NXPE2: variants seen among roughly 807,000 people sequenced by gnomAD.
The protein encoded by NXPE2 is neurexophilin and PC-esterase domain family member 2, also known as NXPE family member 2.
In NXPE2, 34 loss-of-function variants were observed where a neutral mutation model predicts 34.4. The ratio of observed to expected loss-of-function variants is 0.99; its 90% CI spans 0.75 to 1.31. NXPE2 has a LOEUF of 1.31. Among genes scored for constraint, NXPE2 ranks in the 40% most tolerant of loss-of-function variants. The pLI is 0.00. For synonymous variants in NXPE2, 235 were observed against 231.3 expected, an observed-to-expected ratio of 1.02 and a Z score of -0.15; for missense variants, 649 against 672.5, an observed-to-expected ratio of 0.97 and a Z score of 0.39.
the NXPE2 span, among the ~76,000 whole-genome samples, chr11:114,519,290 A>G: frequency 6.6e-6 from 1 of 152,194 alleles, no homozygotes; most frequent in Admixed American, 6.5e-5. Context: ...AGTACATTTC[A>G]CTATCATATG....
At chr11:114,720,522 C>T in the NXPE2 span, among the ~76,000 whole-genome samples, 5 of 152,200 alleles carry the variant, frequency 3.3e-5, no homozygotes, top group African/African-American at 9.7e-5. Context: ...GCTGCAGTGT[C>T]CAATTCAGTA....
At chr11:114,633,465 A>G in the NXPE2 span, among the ~76,000 whole-genome samples, 1 of 145,704 alleles carries the variant, frequency 6.9e-6, no homozygotes, top group Non-Finnish European at 1.5e-5. Context: ...TCTTTTTTTT[A>G]TTTTAGTATT....
At chr11:114,627,649 G>A in the NXPE2 span, among the ~76,000 whole-genome samples, 1 of 151,546 alleles carries the variant, frequency 6.6e-6, no homozygotes, top group African/African-American at 2.4e-5. Flanking sequence ...ATAATGACAG[G>A]ATCAAATTCA....
chr11:114,503,043 T>C, the NXPE2 span, among the ~76,000 whole-genome samples: 2 of 151,638 alleles, frequency 1.3e-5, no homozygotes, highest in African/African-American at 4.9e-5. Context: ...AGATCACACA[T>C]AGGATTTTGG....
the NXPE2 span, among the ~76,000 whole-genome samples, chr11:114,668,468 T>A: frequency 0.87 from 131,824 of 151,900 alleles, 57,786 homozygotes; most frequent in East Asian, 0.92. Flanking sequence ...CAAACAAAAA[T>A]TTGTGACAAG....
the NXPE2 span, among the ~76,000 whole-genome samples, chr11:114,808,787 C>T: frequency 6.6e-6 from 1 of 152,102 alleles, no homozygotes; most frequent in Non-Finnish European, 1.5e-5. Flanking sequence ...GATACCATTC[C>T]TTCCGAAACT....
At chr11:114,654,192 A>G in the NXPE2 span, among the ~76,000 whole-genome samples, 1 of 152,110 alleles carries the variant, frequency 6.6e-6, no homozygotes, top group Admixed American at 6.6e-5. Context: ...GAGCATTTCC[A>G]GAGTGAGATG....
the NXPE2 span, among the ~76,000 whole-genome samples, chr11:114,672,693 A>G: frequency 6.6e-6 from 1 of 151,966 alleles, no homozygotes; most frequent in Non-Finnish European, 1.5e-5. Context: ...TTTAAAAGCC[A>G]TAATGTCACC....
the NXPE2 span, among the ~76,000 whole-genome samples, chr11:114,717,263 AAC>A: frequency 6.6e-6 from 1 of 152,142 alleles, no homozygotes; most frequent in Non-Finnish European, 1.5e-5. Context: ...TGTGCAGATG[AAC>A]AGTGGTGTGC....
At chr11:114,681,201 A>G (rs1950944365) in intron 2 of NXPE2, among the ~76,000 whole-genome samples, 1 of 152,190 alleles carries the variant, frequency 6.6e-6, no homozygotes, top group South Asian at 2.1e-4. Context: ...ATAGTTTTCC[A>G]ATTAATTTCC....
At chr11:114,486,681 G>A in the NXPE2 span, among the ~76,000 whole-genome samples, 4 of 152,052 alleles carry the variant, frequency 2.6e-5, no homozygotes, top group East Asian at 5.8e-4. Flanking sequence ...TGTTTATGGT[G>A]AGAGATAGGG....
chr11:114,754,379 A>C, the NXPE2 span, among the ~76,000 whole-genome samples: 1 of 152,310 alleles, frequency 6.6e-6, no homozygotes, highest in East Asian at 1.9e-4. Flanking sequence ...GGTACTGTGC[A>C]GCCATGTGAA....
chr11:114,518,621 C>G, the NXPE2 span, among the ~76,000 whole-genome samples: 1 of 152,086 alleles, frequency 6.6e-6, no homozygotes, highest in Admixed American at 6.5e-5. Context: ...ATGGGCAGAC[C>G]ATCACTTTGC....
At chr11:114,614,025 CG>C in the NXPE2 span, among the ~76,000 whole-genome samples, 23 of 151,686 alleles carry the variant, frequency 1.5e-4, no homozygotes, top group Admixed American at 1.5e-3. Flanking sequence ...AGTATTGTCT[CG>C]TGGGTAACCA....
At chr11:114,611,156 A>G in the NXPE2 span, among the ~76,000 whole-genome samples, 3 of 149,930 alleles carry the variant, frequency 2.0e-5, no homozygotes, top group Non-Finnish European at 3.0e-5. Context: ...TACCCGGAGG[A>G]TAATAAGGAC....
chr11:114,607,026 G>T, the NXPE2 span, among the ~76,000 whole-genome samples: 428 of 152,030 alleles, frequency 2.8e-3, 4 homozygotes, highest in South Asian at 0.022. Context: ...AGTAATCACG[G>T]TTACCCAGTG....
the NXPE2 span, chr11:114,521,718 C>G: frequency 2.4e-6 from 1 of 415,616 alleles, no homozygotes; most frequent in Non-Finnish European, 4.3e-6. Flanking sequence ...AATAACATGG[C>G]TTTTAAAAAA....
chr11:114,808,657 C>G, the NXPE2 span, among the ~76,000 whole-genome samples: 8 of 149,264 alleles, frequency 5.4e-5, no homozygotes, highest in Non-Finnish European at 8.9e-5. Flanking sequence ...GAAGTTGAAT[C>G]TCTGAATAGA....
the NXPE2 span, chr11:114,530,269 G>A: frequency 6.2e-7 from 1 of 1,614,154 alleles, no homozygotes; most frequent in Non-Finnish European, 8.5e-7. Flanking sequence ...ATGTGTTGAG[G>A]CTTCATACAA....
Sources: allele counts gnomAD v4.1 joint callset (sites outside exome capture counted in the v4.1 genomes callset), GRCh38; gene constraint gnomAD v4.1.1; transcripts MANE v1.5; gene names NCBI Gene and HGNC (gene_info 2026-07-23, HGNC 2026-07-21).